The following IL1RAPL1 variants were observed in gnomAD, a reference collection of about 807,000 sequenced individuals.
The protein encoded by IL1RAPL1 is interleukin 1 receptor accessory protein like 1.
In IL1RAPL1, 3 loss-of-function variants were observed where a neutral mutation model predicts 48.4. The ratio of observed to expected loss-of-function variants is 0.06; its 90% CI spans 0.03 to 0.16. The LOEUF is 0.16. Among genes scored for constraint, IL1RAPL1 ranks in the 10% least tolerant of loss-of-function variants. The probability of loss-of-function intolerance (pLI) is 1.00; values close to 1 mark genes in which losing one functional copy is unlikely to be tolerated. For missense variants in IL1RAPL1, 349 were observed against 530.6 expected (o/e 0.66, Z 3.36); for synonymous variants, 185 against 187.7 (o/e 0.99, Z 0.12).
chrX:29,150,566 T>C (rs1301853489), intron 2 of IL1RAPL1, among the ~76,000 whole-genome samples: 3 of 110,245 alleles, frequency 2.7e-5, no homozygotes, highest in Non-Finnish European at 3.8e-5. Context: ...CATCTGAGGG[T>C]ACATAATCAT....
chrX:29,288,841 A>T (rs1932328038), intron 3 of IL1RAPL1, among the ~76,000 whole-genome samples: 1 of 111,741 alleles, frequency 8.9e-6, no homozygotes, highest in Non-Finnish European at 1.9e-5. Flanking sequence ...TTGACTTTTT[A>T]ATAATCGCCA....
intron 2 of IL1RAPL1, among the ~76,000 whole-genome samples, chrX:29,012,699 T>C (rs936313716): frequency 2.7e-5 from 3 of 112,143 alleles, no homozygotes; most frequent in Non-Finnish European, 5.6e-5. Flanking sequence ...GAGAAGATGA[T>C]GCTCGCTGCA....
intron 1 of IL1RAPL1, among the ~76,000 whole-genome samples, chrX:28,729,559 T>C (rs1935727670): frequency 9.0e-6 from 1 of 111,197 alleles, no homozygotes; most frequent in African/African-American, 3.3e-5. Context: ...AAAGAAGCTT[T>C]ACCTAATAAT....
intron 1 of IL1RAPL1, among the ~76,000 whole-genome samples, chrX:28,620,782 G>A (rs775267746): frequency 2.5e-4 from 28 of 112,055 alleles, no homozygotes; most frequent in African/African-American, 8.4e-4. Context: ...AAAAGAGTCT[G>A]AAAATATTTA....
At chrX:29,144,675 T>A (rs1189670875) in intron 2 of IL1RAPL1, among the ~76,000 whole-genome samples, 1 of 106,926 alleles carries the variant, frequency 9.4e-6, no homozygotes, top group Admixed American at 1.0e-4. Flanking sequence ...ATTTTAATGA[T>A]TACAATTACA....
At chrX:29,803,607 A>C (rs1930176420) in intron 6 of IL1RAPL1, among the ~76,000 whole-genome samples, 2 of 102,998 alleles carry the variant, frequency 1.9e-5, no homozygotes, top group South Asian at 8.6e-4. Flanking sequence ...GTGTATATAT[A>C]CACGTGTGTA....
intron 2 of IL1RAPL1, among the ~76,000 whole-genome samples, chrX:28,896,087 C>T (rs750200721): frequency 1.8e-5 from 2 of 111,954 alleles, no homozygotes; most frequent in South Asian, 7.5e-4. Flanking sequence ...TGGAGGAACC[C>T]CTGGCAGCTG....
At chrX:28,823,931 G>A (rs753578522) in intron 2 of IL1RAPL1, among the ~76,000 whole-genome samples, 14 of 111,651 alleles carry the variant, frequency 1.3e-4, no homozygotes, top group African/African-American at 4.5e-4. Flanking sequence ...GGATTAAGAT[G>A]TGTACACTTT....
chrX:28,882,840 G>A (rs974582372), intron 2 of IL1RAPL1, among the ~76,000 whole-genome samples: 7 of 111,190 alleles, frequency 6.3e-5, no homozygotes, highest in East Asian at 2.8e-4. Flanking sequence ...ATATATAGAC[G>A]AATATAGAAT....
At chrX:29,126,602 G>A (rs1042205879) in intron 2 of IL1RAPL1, among the ~76,000 whole-genome samples, 2 of 112,044 alleles carry the variant, frequency 1.8e-5, no homozygotes, top group Non-Finnish European at 3.8e-5. Flanking sequence ...GAACAGAACC[G>A]AAATTAACAA....
At chrX:29,356,779 A>G (rs1457304421) in intron 3 of IL1RAPL1, among the ~76,000 whole-genome samples, 1 of 111,144 alleles carries the variant, frequency 9.0e-6, no homozygotes, top group Non-Finnish European at 1.9e-5. Context: ...TGAGATATAC[A>G]TGTGGGAGTG....
chrX:29,917,145 T>C (rs1932805668), intron 6 of IL1RAPL1, among the ~76,000 whole-genome samples: 1 of 112,104 alleles, frequency 8.9e-6, no homozygotes, highest in African/African-American at 3.2e-5. Context: ...ACCTCTGTGG[T>C]ATCCTTCGCA....
At chrX:28,696,266 C>T (rs1460816926) in intron 1 of IL1RAPL1, among the ~76,000 whole-genome samples, 1 of 110,801 alleles carries the variant, frequency 9.0e-6, no homozygotes, top group African/African-American at 3.3e-5. Flanking sequence ...TTCATTTTTC[C>T]TCCCTATGTT....
At chrX:28,825,926 G>C (rs1011234867) in intron 2 of IL1RAPL1, among the ~76,000 whole-genome samples, 2 of 111,222 alleles carry the variant, frequency 1.8e-5, no homozygotes, top group Non-Finnish European at 3.8e-5. Flanking sequence ...ATTTGATATA[G>C]TAAGACATTT....
chrX:29,226,441 TTTC>T (rs1464874356), intron 2 of IL1RAPL1, among the ~76,000 whole-genome samples: 9 of 72,318 alleles, frequency 1.2e-4, no homozygotes, highest in Non-Finnish European at 1.8e-4. Context: ...TTTTTCTTTC[TTTC>T]TTTTTTTTTT....
intron 3 of IL1RAPL1, among the ~76,000 whole-genome samples, chrX:29,305,297 G>T: frequency 8.9e-6 from 1 of 111,939 alleles, no homozygotes; most frequent in Non-Finnish European, 1.9e-5. Flanking sequence ...ATTCACCCAT[G>T]GTAGACATGT....
In IL1RAPL1 at chrX:29,007,954, C is replaced by T. The variant is rs145269581; in HGVS notation, c.82+218529C>T. Among the ~76,000 whole-genome samples, 1,002 of 111,366 alleles carry T rather than the reference C, an allele frequency of 9.0e-3. 5 individuals carry two copies. Among genetic ancestry groups the T allele is most frequent in the Non-Finnish European group, 0.013 (669 of 53,098 alleles). Reference sequence around the variant, plus strand: ...ATTACATTCATATTTTATTTTTTAACGCAGACATTTGATATATTCAGAATG... The same window carrying T: ...ATTACATTCATATTTTATTTTTTAATGCAGACATTTGATATATTCAGAATG... On this transcript the variant is annotated intron_variant, in intron 2 of 10. Transcript: ENST00000378993.
chrX:29,331,647 G>A (rs1932886315), intron 3 of IL1RAPL1, among the ~76,000 whole-genome samples: 1 of 112,006 alleles, frequency 8.9e-6, no homozygotes, highest in Non-Finnish European at 1.9e-5. Flanking sequence ...CTAGTATTTC[G>A]CATCTGTTGT....
At chrX:29,900,703 T>C (rs781321728) in intron 6 of IL1RAPL1, among the ~76,000 whole-genome samples, 79 of 105,926 alleles carry the variant, frequency 7.5e-4, no homozygotes, top group African/African-American at 2.7e-3. Context: ...TTCTGCACTT[T>C]GAACATGAGT....
Sources: allele counts gnomAD v4.1 joint callset (sites outside exome capture counted in the v4.1 genomes callset), GRCh38; gene constraint gnomAD v4.1.1; transcripts MANE v1.5; gene names NCBI Gene and HGNC (gene_info 2026-07-23, HGNC 2026-07-21).